Variants in BCR observed in about 807,000 individuals in gnomAD.
BCR encodes breakpoint cluster region protein.
In BCR, 58 loss-of-function variants were observed where a neutral mutation model predicts 138.6. The ratio of observed to expected loss-of-function variants is 0.42; its 90% CI spans 0.34 to 0.52. The LOEUF (loss-of-function observed/expected upper bound fraction) is 0.52, where lower values mean the gene tolerates loss of function less well. Among genes scored for constraint, BCR ranks in the 20% least tolerant of loss-of-function variants. The pLI, the probability that BCR is intolerant of heterozygous loss-of-function variation, is 0.06. For synonymous variants in BCR, 786 were observed against 730.1 expected (o/e 1.08, Z -1.23); for missense variants, 1,599 against 1,727.2 (o/e 0.93, Z 1.32).
intron 5 of BCR, among the ~76,000 whole-genome samples, chr22:23,271,110 T>C (rs1280821352): frequency 2.0e-5 from 3 of 152,232 alleles, no homozygotes; most frequent in Non-Finnish European, 1.5e-5. Context: ...GGATCCTCTG[T>C]GTCAGAGGAT....
chr22:23,268,261 G>A, intron 4 of BCR, 147 bp from the exon 5 acceptor site: 2 of 594,370 alleles, frequency 3.4e-6, no homozygotes, highest in Non-Finnish European at 5.7e-6. Context: ...GTGGGAGGGA[G>A]CAGCACGGAA....
At chr22:23,224,741 G>T (rs1465311519) in intron 1 of BCR, among the ~76,000 whole-genome samples, 1 of 152,122 alleles carries the variant, frequency 6.6e-6, no homozygotes, top group Non-Finnish European at 1.5e-5. Flanking sequence ...AATCAGCCAG[G>T]CATGGTGGCA....
intron 1 of BCR, among the ~76,000 whole-genome samples, chr22:23,246,182 T>C (rs2073155374): frequency 6.6e-6 from 1 of 152,122 alleles, no homozygotes; most frequent in Non-Finnish European, 1.5e-5. Context: ...CCCAGCACTT[T>C]GGGAGGCCTA....
chr22:23,181,298 C>T lies in BCR; in HGVS notation c.338C>T (p.Pro113Leu), dbSNP rs757929927. 8 of 1,342,140 alleles carry T rather than the reference C, an allele frequency of 6.0e-6. No homozygotes were observed. The Admixed American group carries it at 1.8e-4, about 30-fold the overall frequency. The allele number at this position is 1,342,140 out of a possible 1,614,324, so 83.1% of individuals were successfully genotyped here. A position where few individuals can be genotyped will look rare whatever the true frequency, so the allele number is the denominator to read the frequency against. ...DGADPPPAEE[P>L]EARPDGEGSP... The stretch of plus-strand genomic sequence containing the variant: ...GCCGACCCGCCGCCCGCCGAGGAGC[C>T]CGAGGCCCGGCCCGACGGCGAGGGT... The change falls in exon 1 of 23, where the codon CCC becomes CTC. Residue 113 changes from proline (P) to leucine (L), a missense_variant. By Grantham distance (98) the Pro-to-Leu change is moderately conservative. Coordinates refer to ENST00000305877, the MANE Select transcript of BCR (RefSeq NM_004327.4).
At chr22:23,271,429 TG>T in intron 5 of BCR, 102 bp from the exon 6 acceptor site, 1 of 1,173,912 alleles carries the variant, frequency 8.5e-7, no homozygotes, top group African/African-American at 1.5e-5. Flanking sequence ...ACCTGGGGTT[TG>T]TTGTAGTGAG....
At chr22:23,243,736 G>A (rs1405895794) in intron 1 of BCR, among the ~76,000 whole-genome samples, 2 of 151,208 alleles carry the variant, frequency 1.3e-5, no homozygotes, top group Non-Finnish European at 2.9e-5. Context: ...GCAACCTCCC[G>A]GGTTCAAATG....
chr22:23,309,959 A>G, intron 17 of BCR: 1 of 350,104 alleles, frequency 2.9e-6, no homozygotes, highest in South Asian at 3.0e-5. Flanking sequence ...AAAGCCAGGC[A>G]CAGTGCACCT....
intron 16 of BCR, among the ~76,000 whole-genome samples, chr22:23,296,272 G>A (rs1352107491): frequency 2.6e-5 from 4 of 151,666 alleles, no homozygotes; most frequent in Non-Finnish European, 5.9e-5. Context: ...TACTCGGGAG[G>A]CCGAGGCAGG....
chr22:23,206,937 TCATTCCTCCCTCCCTC>T lies in BCR; in HGVS notation c.1279+24700_1279+24715del, dbSNP rs1395455135. Among the ~76,000 whole-genome samples, 31 of 50,534 alleles carry T rather than the reference TCATTCCTCCCTCCCTC, an allele frequency of 6.1e-4. No homozygotes were observed. In the South Asian group the frequency reaches 0.011, roughly 18 times the overall value. 33.2% of individuals were successfully genotyped at this position (50,534 alleles called of 152,430 possible). A position where few individuals can be genotyped will look rare whatever the true frequency, so the allele number is the denominator to read the frequency against. ...ATCTATTCATCCCTCTGTCATCCAT[TCATTCCTCCCTCCCTC>T]CCTCCCTCCCTCCCTCCCTCCATCC... On this transcript the variant is annotated intron_variant, in intron 1 of 22. Coordinates refer to ENST00000305877, the MANE Select transcript of BCR (RefSeq NM_004327.4).
In BCR at chr22:23,241,719, C is replaced by T. The variant is rs115738153; in HGVS notation, c.1280-12080C>T. 2.4e-3 allele frequency among the ~76,000 whole-genome samples: 364 copies of T among 152,256 alleles called. 1 individual carries two copies. The highest frequency in any genetic ancestry group is 8.4e-3 in the African/African-American group (347 of 41,534). On this transcript the variant is annotated intron_variant, in intron 1 of 22. Coordinates refer to ENST00000305877, the MANE Select transcript of BCR (RefSeq NM_004327.4). ...CACTGTGCGTCAGTGCCCCTGCCTG[C>T]GTTTTTCTACCAACACCAGGCCTAC... is the stretch of plus-strand genomic sequence containing the variant.
chr22:23,182,616 G>A (rs181309326), intron 1 of BCR, among the ~76,000 whole-genome samples: 1 of 152,334 alleles, frequency 6.6e-6, no homozygotes, highest in African/African-American at 2.4e-5. Context: ...AAAAGCCGGA[G>A]TCATCTCTAG....
chr22:23,314,432 C>T, intron 21 of BCR, 120 bp from the exon 22 acceptor site: 1 of 1,190,416 alleles, frequency 8.4e-7, no homozygotes, highest in South Asian at 1.3e-5. Context: ...CTGGAGTCAG[C>T]TTGCAGCACA....
At chr22:23,213,002 G>C (rs1270684711) in intron 1 of BCR, among the ~76,000 whole-genome samples, 1 of 152,216 alleles carries the variant, frequency 6.6e-6, no homozygotes, top group Non-Finnish European at 1.5e-5. Flanking sequence ...CTGGCAATCA[G>C]ATGGGCATTC....
intron 2 of BCR, among the ~76,000 whole-genome samples, chr22:23,256,527 G>T (rs79082877): frequency 6.6e-6 from 1 of 152,130 alleles, no homozygotes; most frequent in Admixed American, 6.5e-5. Flanking sequence ...CGGCTGGGCC[G>T]CAGGACAATG....
At chr22:23,185,849 C>T (rs1436646453) in intron 1 of BCR, among the ~76,000 whole-genome samples, 1 of 151,712 alleles carries the variant, frequency 6.6e-6, no homozygotes, top group Non-Finnish European at 1.5e-5. Flanking sequence ...CTGCCTCAGC[C>T]TCCTGGGTAG....
At chr22:23,271,502 C>G (rs998575691) in intron 5 of BCR, 30 bp from the exon 6 acceptor site, 1 of 1,611,648 alleles carries the variant, frequency 6.2e-7, no homozygotes, top group Non-Finnish European at 8.5e-7. Context: ...CTTCTGTCAT[C>G]TGTGTGAACA....
rs1021876865 is a variant in BCR, at chr22:23,295,114, G to A, written c.2971G>A (p.Gly991Ser). The A allele has an allele frequency of 3.1e-6, 5 of 1,614,010 alleles. No individual in the cohort carries two copies. Among genetic ancestry groups the A allele is most frequent in the South Asian group, 2.2e-5 (2 of 91,086 alleles). The change falls in exon 16 of 23, where the codon GGC (glycine) becomes AGC (serine). Residue 991 changes from glycine (G) to serine (S), a missense_variant. Around this residue, in one of 4 missense-constraint regions of BCR, gnomAD observed 590 missense variants for 762.4 expected, o/e 0.77. Transcript: ENST00000305877. ...CAAGACGAAGATCCCCAAGGAGGAC[G>A]GCGAGAGCACGGACAGACTCATGGG... ...YNKTKIPKEDGESTDRLMGKG... is the reference protein window; with the variant it reads ...YNKTKIPKEDSESTDRLMGKG...
intron 18 of BCR, among the ~76,000 whole-genome samples, chr22:23,310,798 A>G (rs1230131286): frequency 6.6e-6 from 1 of 152,182 alleles, no homozygotes; most frequent in Non-Finnish European, 1.5e-5. Context: ...GTTCATGCAG[A>G]CATAGACCAC....
intron 4 of BCR, chr22:23,263,086 A>C: frequency 2.8e-6 from 2 of 706,194 alleles, no homozygotes; most frequent in Non-Finnish European, 4.6e-6. Context: ...GGAAGAGTAC[A>C]AGGACAAGGA....
Sources: allele counts gnomAD v4.1 joint callset (sites outside exome capture counted in the v4.1 genomes callset), GRCh38; gene constraint gnomAD v4.1.1; regional missense constraint gnomAD v4.1.1; transcripts MANE v1.5; gene names NCBI Gene and HGNC (gene_info 2026-07-23, HGNC 2026-07-21).